The following MACROD2 variants were observed in gnomAD, a reference collection of about 807,000 sequenced individuals.
MACROD2 encodes the protein ADP-ribose glycohydrolase MACROD2.
A neutral mutation model predicts 70.4 loss-of-function variants in MACROD2; 36 were observed. That is an observed-to-expected ratio of 0.51 (90% CI 0.39 to 0.68). The LOEUF (loss-of-function observed/expected upper bound fraction) is 0.68, where lower values mean the gene tolerates loss of function less well. Among genes scored for constraint, MACROD2 ranks in the 30% least tolerant of loss-of-function variants. The probability of loss-of-function intolerance (pLI) is 0.00; values close to 1 mark genes in which losing one functional copy is unlikely to be tolerated. For synonymous variants in MACROD2, 172 were observed against 178.8 expected (o/e 0.96, Z 0.30); for missense variants, 496 against 538.4 (o/e 0.92, Z 0.78).
chr20:14,289,435 C>T (rs551121893), intron 3 of MACROD2, among the ~76,000 whole-genome samples: 19 of 152,328 alleles, frequency 1.2e-4, no homozygotes, highest in African/African-American at 4.3e-4. Context: ...CTCAGGAAGT[C>T]TTCTGCCCTT....
At chr20:14,844,883 C>A (rs900490577) in intron 5 of MACROD2, among the ~76,000 whole-genome samples, 32 of 152,046 alleles carry the variant, frequency 2.1e-4, no homozygotes, top group African/African-American at 7.5e-4. Flanking sequence ...CCTTCTTAAA[C>A]GTATCTCCCT....
At chr20:14,741,718 A>T (rs2071734479) in intron 5 of MACROD2, among the ~76,000 whole-genome samples, 1 of 152,114 alleles carries the variant, frequency 6.6e-6, no homozygotes, top group South Asian at 2.1e-4. Context: ...TATGATGCTT[A>T]TAAGGGAATT....
chr20:14,166,818 C>T (rs1249120435), intron 3 of MACROD2, among the ~76,000 whole-genome samples: 1 of 152,146 alleles, frequency 6.6e-6, no homozygotes, highest in African/African-American at 2.4e-5. Context: ...TAATAGATTT[C>T]CTTATAGCTA....
At chr20:15,469,634 A>T (rs4814381) in intron 7 of MACROD2, among the ~76,000 whole-genome samples, 1 of 151,840 alleles carries the variant, frequency 6.6e-6, no homozygotes, top group Non-Finnish European at 1.5e-5. Flanking sequence ...GTCCACAAGA[A>T]AGGGGCCTTG....
chr20:15,021,240 CTGTGTGTATGTATACACACACCTGTG>C (rs1165363872), intron 5 of MACROD2, among the ~76,000 whole-genome samples: 3 of 62,716 alleles, frequency 4.8e-5, no homozygotes, highest in African/African-American at 1.4e-4. Context: ...ATACACACAC[CTGTGTGTATGTATACACACACCTGTG>C]TGTGTGTATA....
At chr20:14,443,767 C>A (rs967521462) in intron 3 of MACROD2, among the ~76,000 whole-genome samples, 3 of 152,034 alleles carry the variant, frequency 2.0e-5, no homozygotes, top group African/African-American at 7.3e-5. Context: ...CTGCTACCTG[C>A]TAGCTGGGTA....
intron 8 of MACROD2, among the ~76,000 whole-genome samples, chr20:15,794,431 G>A (rs2063654217): frequency 6.6e-6 from 1 of 152,158 alleles, no homozygotes; most frequent in Admixed American, 6.5e-5. Context: ...TTCAGCTGGG[G>A]CAGAAAACCT....
At chr20:14,327,096 G>T in intron 3 of MACROD2, 14 of 1,613,784 alleles carry the variant, frequency 8.7e-6, no homozygotes, top group Non-Finnish European at 1.2e-5. Context: ...AGACAGAGTT[G>T]TCATCTAAAT....
At chr20:14,604,656 C>T (rs1002988023) in intron 4 of MACROD2, among the ~76,000 whole-genome samples, 1 of 152,138 alleles carries the variant, frequency 6.6e-6, no homozygotes, top group Admixed American at 6.5e-5. Flanking sequence ...TATTTTATTG[C>T]TCTTTCCTCC....
intron 4 of MACROD2, among the ~76,000 whole-genome samples, chr20:14,652,868 C>T (rs1985749121): frequency 6.6e-6 from 1 of 152,160 alleles, no homozygotes; most frequent in Non-Finnish European, 1.5e-5. Flanking sequence ...GTCTTTGCCT[C>T]ACACTTAGGC....
chr20:14,115,927 GA>G (rs1461533649), intron 3 of MACROD2, among the ~76,000 whole-genome samples: 4 of 152,160 alleles, frequency 2.6e-5, no homozygotes, highest in African/African-American at 9.7e-5. Context: ...ATTCACATAA[GA>G]AAAAGGCTCC....
chr20:15,829,186 A>G (rs1328863840), intron 8 of MACROD2, among the ~76,000 whole-genome samples: 1 of 152,108 alleles, frequency 6.6e-6, no homozygotes, highest in Non-Finnish European at 1.5e-5. Context: ...TGTTCCTCAA[A>G]AAGCATTCCT....
At chr20:15,034,074 C>T (rs1053553739) in intron 5 of MACROD2, among the ~76,000 whole-genome samples, 6 of 152,164 alleles carry the variant, frequency 3.9e-5, no homozygotes, top group Non-Finnish European at 7.4e-5. Flanking sequence ...TCGAGAGGAA[C>T]GTAGCCTGTC....
chr20:15,977,263 G>C (rs1177793554), intron 13 of MACROD2, among the ~76,000 whole-genome samples: 2 of 152,178 alleles, frequency 1.3e-5, no homozygotes, highest in Admixed American at 6.6e-5. Flanking sequence ...AACAGTGAAG[G>C]TTCCCTCTCA....
intron 3 of MACROD2, among the ~76,000 whole-genome samples, chr20:14,233,893 A>C (rs1483234015): frequency 6.6e-6 from 1 of 152,072 alleles, no homozygotes; most frequent in Non-Finnish European, 1.5e-5. Flanking sequence ...AGTGGTTGAT[A>C]GGAGTTGAGT....
intron 2 of MACROD2, among the ~76,000 whole-genome samples, chr20:14,050,722 A>G (rs1207669916): frequency 6.6e-6 from 1 of 152,228 alleles, no homozygotes; most frequent in Non-Finnish European, 1.5e-5. Context: ...CTAAAAATTC[A>G]AATCAGGCCA....
At chr20:14,101,993 C>CT (rs66890047) in intron 3 of MACROD2, among the ~76,000 whole-genome samples, 368 of 25,052 alleles carry the variant, frequency 0.015, 41 homozygotes, top group Middle Eastern at 0.045. Flanking sequence ...TTTAATGAGT[C>CT]TTTTTTTTTT....
intron 4 of MACROD2, among the ~76,000 whole-genome samples, chr20:14,562,537 T>G (rs1232514276): frequency 1.3e-5 from 2 of 151,822 alleles, no homozygotes; most frequent in Non-Finnish European, 2.9e-5. Flanking sequence ...ACAACACATT[T>G]GTCAGGGATA....
At chr20:15,172,374 T>C (rs916266038) in intron 5 of MACROD2, among the ~76,000 whole-genome samples, 1 of 152,222 alleles carries the variant, frequency 6.6e-6, no homozygotes, top group African/African-American at 2.4e-5. Flanking sequence ...CACTTGCCTT[T>C]ATAAAATTGG....
Sources: gnomAD v4.1 joint callset for allele counts (sites outside exome capture counted in the v4.1 genomes callset) on GRCh38, gnomAD v4.1.1 for gene constraint, MANE v1.5 for transcripts, NCBI Gene and HGNC (gene_info 2026-07-23, HGNC 2026-07-21) for gene names.